Variants in VWA8 observed in about 807,000 individuals in gnomAD.
The protein encoded by VWA8 is von Willebrand factor A domain-containing protein 8.
VWA8 carries 221 observed loss-of-function variants against 241.5 expected under a neutral mutation model. That is an observed-to-expected ratio of 0.91 (90% CI 0.82 to 1.02). The LOEUF is 1.02. Among genes scored for constraint, VWA8 ranks in the 50% least tolerant of loss-of-function variants. The probability of loss-of-function intolerance (pLI) is 0.00; values close to 1 mark genes in which losing one functional copy is unlikely to be tolerated. For missense variants in VWA8, 2,322 were observed against 2,328.7 expected, an observed-to-expected ratio of 1.00 and a Z score of 0.06; for synonymous variants, 852 against 827.1, an observed-to-expected ratio of 1.03 and a Z score of -0.52.
chr13:41,871,368 A>T (rs1336046015), intron 9 of VWA8, among the ~76,000 whole-genome samples: 2 of 152,092 alleles, frequency 1.3e-5, no homozygotes, highest in African/African-American at 4.8e-5. Context: ...GGTTAGTTAC[A>T]TATGTATACA....
At chr13:41,720,269 C>T (rs1593718192) in intron 25 of VWA8, among the ~76,000 whole-genome samples, 1 of 152,136 alleles carries the variant, frequency 6.6e-6, no homozygotes, top group African/African-American at 2.4e-5. Flanking sequence ...ACTGAATTTA[C>T]ACTGCTCATG....
intron 26 of VWA8, among the ~76,000 whole-genome samples, chr13:41,719,144 C>A (rs897154094): frequency 2.6e-5 from 4 of 151,800 alleles, no homozygotes; most frequent in Non-Finnish European, 4.4e-5. Context: ...ACATAAGTAA[C>A]CAAAAATCTC....
At chr13:41,623,207 C>A (rs2044668588) in intron 37 of VWA8, among the ~76,000 whole-genome samples, 1 of 152,046 alleles carries the variant, frequency 6.6e-6, no homozygotes, top group Admixed American at 6.6e-5. Flanking sequence ...CCACTTCCTG[C>A]CTTGGGACAC....
In VWA8 at chr13:41,619,855, T is replaced by C. The variant is rs1291098894; in HGVS notation, c.4612-4771A>G. 3.3e-5 allele frequency among the ~76,000 whole-genome samples: 5 copies of C among 152,330 alleles called. No homozygotes were observed. The East Asian group carries it at 9.6e-4, about 29-fold the overall frequency. On this transcript the variant is annotated intron_variant, in intron 37 of 44. Coordinates refer to ENST00000379310, the MANE Select transcript of VWA8 (RefSeq NM_015058.2). ...TTGGTGGATAAGCTTTTTGACATGC[T>C]GCTGGATTCAGTTTGCCAGTATTTT...
chr13:41,857,900 C>T (rs766032043), intron 12 of VWA8, among the ~76,000 whole-genome samples: 5 of 152,106 alleles, frequency 3.3e-5, no homozygotes, highest in Non-Finnish European at 7.4e-5. Context: ...TGGCCTTCCT[C>T]AATATGGGTG....
At chr13:41,859,518 T>C (rs559329029) in intron 12 of VWA8, among the ~76,000 whole-genome samples, 4 of 152,298 alleles carry the variant, frequency 2.6e-5, no homozygotes, top group African/African-American at 7.2e-5. Flanking sequence ...TAACTAGTAA[T>C]TGATCAGAAG....
Position 41,949,851 on chromosome 13 carries a change from T to G in VWA8, c.241+85A>C, listed in dbSNP as rs1250941684. 3.8e-6 allele frequency: 3 copies of G among 781,060 alleles called. No homozygotes were observed. The African/African-American group carries it at 5.3e-5, about 14-fold the overall frequency. 48.4% of individuals were successfully genotyped at this position (781,060 alleles called of 1,614,324 possible). On this transcript the variant is annotated intron_variant, in intron 2 of 44. Transcript: ENST00000379310. ...TGATAAAATCATTAGGTTTATACTA[T>G]TCTCTCTAGCTTTAAATAACTTTGA... is the stretch of plus-strand genomic sequence containing the variant.
chr13:41,567,261 T>TA lies in VWA8; in HGVS notation c.*935dup, dbSNP rs774428657. ...AAAAAGTTGTTTTCTTTCTTTTTGT[T>TA]ACAGCTAAAAATTTCCAATCACCAT... On this transcript the variant is annotated 3_prime_UTR_variant, in exon 45 of 45. Transcript: ENST00000379310. 6.6e-6 allele frequency: 1 copy of TA among 152,238 alleles called. No individual in the cohort carries two copies. Among genetic ancestry groups the TA allele is most frequent in the Non-Finnish European group, 1.5e-5 (1 of 68,034 alleles). The allele number at this position is 152,238 out of a possible 1,614,324, so 9.4% of individuals were successfully genotyped here.
intron 21 of VWA8, among the ~76,000 whole-genome samples, chr13:41,752,026 G>A (rs2045660213): frequency 2.0e-5 from 3 of 152,214 alleles, no homozygotes; most frequent in South Asian, 4.2e-4. Flanking sequence ...ATCACACACA[G>A]GAGTTACTGT....
At chr13:41,775,174 G>A (rs1868535345) in intron 20 of VWA8, among the ~76,000 whole-genome samples, 1 of 152,174 alleles carries the variant, frequency 6.6e-6, no homozygotes, top group South Asian at 2.1e-4. Context: ...GTCTAAGAGA[G>A]TTAGACTTTT....
At chr13:41,817,320 A>C (rs960830605) in intron 15 of VWA8, among the ~76,000 whole-genome samples, 5 of 152,208 alleles carry the variant, frequency 3.3e-5, no homozygotes, top group African/African-American at 1.2e-4. Flanking sequence ...ATATCAATGA[A>C]CTCGGAAGAG....
intron 2 of VWA8, among the ~76,000 whole-genome samples, chr13:41,928,342 T>C (rs1195003575): frequency 6.6e-6 from 1 of 152,172 alleles, no homozygotes; most frequent in Non-Finnish European, 1.5e-5. Context: ...AAATTGTCCA[T>C]GTTAGGCCAG....
chr13:41,866,121 G>A (rs767767363), intron 10 of VWA8, 85 bp from the exon 11 acceptor site: 2 of 1,539,850 alleles, frequency 1.3e-6, no homozygotes, highest in Middle Eastern at 1.9e-4. Context: ...GCCAAGGCAG[G>A]CAGATCACTT....
chr13:41,820,265 A>G (rs1870894517), intron 14 of VWA8, among the ~76,000 whole-genome samples: 1 of 152,210 alleles, frequency 6.6e-6, no homozygotes, highest in Admixed American at 6.5e-5. Flanking sequence ...ACTTGCCAAG[A>G]GCTTCAGAAA....
At chr13:41,777,898 T>C in intron 20 of VWA8, 87 bp downstream of exon 20, 1 of 1,190,856 alleles carries the variant, frequency 8.4e-7, no homozygotes, top group Non-Finnish European at 1.2e-6. Context: ...GGGGAAAAAA[T>C]AACTGATTCC....
At position 41,926,737 on chromosome 13, in the gene VWA8, C is replaced by T. The variant is rs1876861490; in HGVS notation, c.242-14569G>A. On this transcript the variant is annotated intron_variant, in intron 2 of 44. Coordinates refer to ENST00000379310, the MANE Select transcript of VWA8 (RefSeq NM_015058.2). The stretch of plus-strand genomic sequence containing the variant: ...CATAGGGCCAGGCCTATGATACTGA[C>T]TTCACCCCACCCTTCCAGAGAATCA... 5 of 538,194 alleles carry T rather than the reference C, an allele frequency of 9.3e-6. No individual in the cohort carries two copies. In the Admixed American group the frequency reaches 9.7e-5, roughly 10 times the overall value. 33.3% of individuals were successfully genotyped at this position (538,194 alleles called of 1,614,324 possible). A position where few individuals can be genotyped will look rare whatever the true frequency, so the allele number is the denominator to read the frequency against.
chr13:41,846,644 T>C (rs1334141226), intron 12 of VWA8, among the ~76,000 whole-genome samples: 1 of 152,184 alleles, frequency 6.6e-6, no homozygotes, highest in African/African-American at 2.4e-5. Context: ...CACAATTAAA[T>C]GACAGAAAAT....
intron 1 of VWA8, among the ~76,000 whole-genome samples, chr13:41,952,096 T>C (rs1301087167): frequency 1.3e-5 from 2 of 152,148 alleles, no homozygotes; most frequent in Non-Finnish European, 2.9e-5. Context: ...ACGCAATCTA[T>C]CACAGAGATT....
At chr13:41,742,356 A>G (rs1240630916) in intron 21 of VWA8, among the ~76,000 whole-genome samples, 1 of 152,198 alleles carries the variant, frequency 6.6e-6, no homozygotes, top group East Asian at 1.9e-4. Flanking sequence ...AGGAAGTTCA[A>G]AGATATATCC....
Sources: gnomAD v4.1 joint callset for allele counts (sites outside exome capture counted in the v4.1 genomes callset) on GRCh38, gnomAD v4.1.1 for gene constraint, MANE v1.5 for transcripts, NCBI Gene and HGNC (gene_info 2026-07-23, HGNC 2026-07-21) for gene names.